F13A1: variants seen among roughly 807,000 people sequenced by gnomAD.
F13A1 encodes FSF, A subunit.
A neutral mutation model predicts 80.1 loss-of-function variants in F13A1; 47 were observed. The observed-to-expected ratio is 0.59, with a 90% CI of 0.46 to 0.75. F13A1 has a LOEUF of 0.75. F13A1 is among the 30% of genes least tolerant of loss of function. The pLI is 0.00. For missense variants in F13A1, 817 were observed against 930.4 expected, an observed-to-expected ratio of 0.88 and a Z score of 1.59; for synonymous variants, 349 against 344.9, an observed-to-expected ratio of 1.01 and a Z score of -0.13.
intron 12 of F13A1, chr6:6,169,325 C>T (rs1760731802): frequency 6.5e-6 from 1 of 153,744 alleles, no homozygotes; most frequent in African/African-American, 2.4e-5. Context: ...GCAGCACCAT[C>T]ATCACCTGGG....
At chr6:6,304,166 C>T (rs1261160630) in intron 3 of F13A1, among the ~76,000 whole-genome samples, 2 of 152,078 alleles carry the variant, frequency 1.3e-5, no homozygotes, top group African/African-American at 2.4e-5. Context: ...CTTTTTTCCA[C>T]TTAGATATCA....
intron 6 of F13A1, among the ~76,000 whole-genome samples, chr6:6,232,681 C>T (rs182469346): frequency 6.0e-5 from 9 of 148,846 alleles, no homozygotes; most frequent in Admixed American, 4.6e-4. Flanking sequence ...AAACTTTCTC[C>T]AAGATAGACC....
intron 13 of F13A1, among the ~76,000 whole-genome samples, chr6:6,166,626 C>A (rs528452294): frequency 1.3e-5 from 2 of 152,198 alleles, no homozygotes; most frequent in Non-Finnish European, 2.9e-5. Flanking sequence ...GCTTCCAGGG[C>A]AGGAAGGCGT....
intron 8 of F13A1, among the ~76,000 whole-genome samples, chr6:6,203,645 T>C (rs536100172): frequency 1.3e-5 from 2 of 152,300 alleles, no homozygotes; most frequent in Non-Finnish European, 2.9e-5. Flanking sequence ...TCGATTGCAG[T>C]TATCTGAGAC....
rs1760240364 is a variant in F13A1, at chr6:6,144,433, A to G, written c.*1186T>C. The G allele has an allele frequency of 6.6e-6, 1 of 152,244 alleles. No homozygotes were observed. The highest frequency in any genetic ancestry group is 6.5e-5 in the Admixed American group (1 of 15,284). 9.4% of individuals were successfully genotyped at this position (152,244 alleles called of 1,614,324 possible). ...TACTGACCTAAATCACACCCTAGAC[A>G]TATCAGAGGGAAATTCTGACCATAA... On this transcript the variant is annotated 3_prime_UTR_variant, in exon 15 of 15. Coordinates refer to ENST00000264870, the MANE Select transcript of F13A1 (RefSeq NM_000129.4).
Position 6,182,088 on chromosome 6 carries a change from C to T in F13A1, c.1359G>A (p.Val453=), listed in dbSNP as rs369983817. Reference sequence around the variant, plus strand: ...CAATGTGGGTGGCATCCACATTTTCCACCACATGAGTGCCATCTTTCTTAG... The same window carrying T: ...CAATGTGGGTGGCATCCACATTTTCTACCACATGAGTGCCATCTTTCTTAG... ...ITAKKDGTHV[V]ENVDATHIGK... Residue 453 remains valine, a synonymous_variant, in exon 11 of 15, where the codon GTG becomes GTA. Transcript: ENST00000264870. The T allele has an allele frequency of 8.1e-6, 13 of 1,614,024 alleles. No individual in the cohort carries two copies. The South Asian group carries it at 1.1e-4, about 14-fold the overall frequency.
rs1024093297 is a variant in F13A1, at chr6:6,162,595, C to T, written c.1908+4863G>A. ...AGGAAGACCTGGGCCAGAAGTGTCT[C>T]TCCTTCCCTCAACAGGCACGTGATC... On this transcript the variant is annotated intron_variant, in intron 13 of 14. Coordinates refer to ENST00000264870, the MANE Select transcript of F13A1 (RefSeq NM_000129.4). This position sits in a 1 kb window ranked among gnomAD's most constrained non-coding sequence, Gnocchi z 4.2. 1.7e-4 allele frequency among the ~76,000 whole-genome samples: 26 copies of T among 152,290 alleles called. No individual in the cohort carries two copies. Among genetic ancestry groups the T allele is most frequent in the African/African-American group, 6.0e-4 (25 of 41,570 alleles).
chr6:6,228,285 G>T (rs1392898096), intron 6 of F13A1, among the ~76,000 whole-genome samples: 1 of 152,110 alleles, frequency 6.6e-6, no homozygotes, highest in Non-Finnish European at 1.5e-5. Flanking sequence ...TCAGCATAAT[G>T]CAATAAACTT....
chr6:6,167,628 GA>G lies in F13A1; in HGVS notation c.1748-11del, dbSNP rs1760701861. Reference sequence around the variant, plus strand: ...ACCGCCTCTTTCTTGACTAGTAGGAGAAAACACACACAGGCCTGGCATCAAG... The same window carrying G: ...ACCGCCTCTTTCTTGACTAGTAGGAGAAACACACACAGGCCTGGCATCAAG... On this transcript the variant is annotated splice_polypyrimidine_tract_variant and intron_variant, in intron 12 of 14. Coordinates refer to ENST00000264870, the MANE Select transcript of F13A1 (RefSeq NM_000129.4). The G allele has an allele frequency of 2.5e-6, 4 of 1,612,696 alleles. No homozygotes were observed. In the Admixed American group the frequency reaches 5.0e-5, roughly 20 times the overall value.
chr6:6,237,141 C>G (rs1466990726), intron 6 of F13A1, among the ~76,000 whole-genome samples: 3 of 152,064 alleles, frequency 2.0e-5, no homozygotes, highest in Admixed American at 2.0e-4. Flanking sequence ...GATTCAATTG[C>G]TGTTTGAAAA....
At chr6:6,239,239 T>C (rs1476159479) in intron 6 of F13A1, among the ~76,000 whole-genome samples, 1 of 152,168 alleles carries the variant, frequency 6.6e-6, no homozygotes, top group Non-Finnish European at 1.5e-5. Flanking sequence ...ATTTCTACTG[T>C]GTGAATCCAT....
chr6:6,239,990 T>C (rs1414869397), intron 6 of F13A1, among the ~76,000 whole-genome samples: 1 of 152,138 alleles, frequency 6.6e-6, no homozygotes, highest in East Asian at 1.9e-4. Context: ...GCTTTGCTCC[T>C]TTGCTATCCA....
intron 4 of F13A1, among the ~76,000 whole-genome samples, chr6:6,263,593 T>C (rs1757806574): frequency 6.6e-6 from 1 of 152,248 alleles, no homozygotes; most frequent in Non-Finnish European, 1.5e-5. Context: ...AGCCATCTCC[T>C]TTGAGTTCTA....
intron 8 of F13A1, among the ~76,000 whole-genome samples, chr6:6,212,829 C>T (rs1484127905): frequency 6.6e-6 from 1 of 152,052 alleles, no homozygotes; most frequent in East Asian, 1.9e-4. Flanking sequence ...CAGAGAAGTG[C>T]TTAAAGGAGC....
chr6:6,230,429 T>A (rs896060916), intron 6 of F13A1, among the ~76,000 whole-genome samples: 4 of 152,054 alleles, frequency 2.6e-5, no homozygotes, highest in African/African-American at 9.7e-5. Flanking sequence ...CCACAGCAGC[T>A]GCAGCAAGAC....
At chr6:6,228,127 T>C (rs1757301603) in intron 6 of F13A1, among the ~76,000 whole-genome samples, 1 of 152,206 alleles carries the variant, frequency 6.6e-6, no homozygotes, top group Non-Finnish European at 1.5e-5. Context: ...AGTGTCTTGG[T>C]CTTGAGTCAC....
At chr6:6,319,960 G>T (rs1051157625) in intron 1 of F13A1, among the ~76,000 whole-genome samples, 1 of 152,224 alleles carries the variant, frequency 6.6e-6, no homozygotes, top group Non-Finnish European at 1.5e-5. Flanking sequence ...GAGAAATACC[G>T]AAGGTAGGCT....
chr6:6,219,691 T>C (rs1287555273), intron 8 of F13A1, among the ~76,000 whole-genome samples: 1 of 152,186 alleles, frequency 6.6e-6, no homozygotes, highest in Non-Finnish European at 1.5e-5. Flanking sequence ...GCCATACTCT[T>C]GTTTTCCTGG....
chr6:6,294,783 G>A (rs1291188652), intron 3 of F13A1, among the ~76,000 whole-genome samples: 1 of 150,318 alleles, frequency 6.7e-6, no homozygotes, highest in African/African-American at 2.5e-5. Flanking sequence ...TAGGGTACAT[G>A]TGCACAATGT....
Sources: gnomAD v4.1 joint callset for allele counts (sites outside exome capture counted in the v4.1 genomes callset) on GRCh38, gnomAD v4.1.1 for gene constraint, Gnocchi (gnomAD v3.1) non-coding constraint, MANE v1.5 for transcripts, NCBI Gene and HGNC (gene_info 2026-07-23, HGNC 2026-07-21) for gene names.